CORO1B: variants seen among roughly 807,000 people sequenced by gnomAD.
The protein encoded by CORO1B is coronin 1B, also known as coronin-1B.
Under a neutral mutation model 51.1 loss-of-function variants are expected in CORO1B, and 30 were observed. The ratio of observed to expected loss-of-function variants is 0.59; its 90% CI spans 0.44 to 0.80. CORO1B has a LOEUF of 0.80. Ranked by LOEUF, CORO1B falls within the 30% of genes least tolerant of loss-of-function variation. The pLI is 0.00. For synonymous variants in CORO1B, 310 were observed against 289.7 expected (o/e 1.07, Z -0.71); for missense variants, 648 against 700.4 (o/e 0.93, Z 0.84).
In CORO1B at chr11:67,438,171, C is replaced by T. The variant is rs776532523; in HGVS notation, c.*205G>A. ...ATGGTCCCTCAGAGGTCGAGGAGCT[C>T]GCCTGGGCGTAGACATCCTCCACAG... On this transcript the variant is annotated 3_prime_UTR_variant, in exon 11 of 11. Transcript: ENST00000341356. The T allele has an allele frequency of 3.1e-4, 173 of 557,340 alleles. No homozygotes were observed. Among genetic ancestry groups the T allele is most frequent in the Non-Finnish European group, 4.5e-4 (153 of 336,806 alleles). 34.5% of individuals were successfully genotyped at this position (557,340 alleles called of 1,614,324 possible).
Position 67,438,731 on chromosome 11 carries a change from G to A in CORO1B, c.1284C>T (p.Ala428=), listed in dbSNP as rs1285137517. The A allele has an allele frequency of 6.5e-7, 1 of 1,549,962 alleles. No individual in the cohort carries two copies. Among genetic ancestry groups the A allele is most frequent in the Non-Finnish European group, 8.7e-7 (1 of 1,151,652 alleles). The stretch of plus-strand genomic sequence containing the variant: ...CAGCAGCAGTGGTGGTGGAGGCGGG[G>A]GCCCCTAGGTGGGAGGAGCCCGGGG... ...AMAPGSSHLG[A]PASTTTAADA... Residue 428 remains alanine (A), a synonymous_variant, in exon 10 of 11, where the codon GCC becomes GCT. Coordinates refer to ENST00000341356, the MANE Select transcript of CORO1B (RefSeq NM_020441.3).
At chr11:67,439,744 C>T (rs1479333248) in intron 9 of CORO1B, 42 bp downstream of exon 9, 2 of 1,555,740 alleles carry the variant, frequency 1.3e-6, no homozygotes, top group Non-Finnish European at 1.7e-6. Context: ...GGCCCGCTTG[C>T]TGGAGAAAGG....
intron 6 of CORO1B, 187 bp downstream of exon 6, chr11:67,440,938 G>T: frequency 1.3e-6 from 1 of 758,696 alleles, no homozygotes. Context: ...GAGGCCATGG[G>T]GGAGTGGTGG....
Position 67,441,464 on chromosome 11 carries a change from A to G in CORO1B, c.505T>C (p.Tyr169His), listed in dbSNP as rs1170371527. The G allele has an allele frequency of 6.2e-7, 1 of 1,613,816 alleles. No homozygotes were observed. The highest frequency in any genetic ancestry group is 2.2e-5 in the East Asian group (1 of 44,882). Residue 169 changes from tyrosine to histidine, a missense_variant, in exon 5 of 11, where the codon TAC becomes CAC. Tyr to His is a moderately conservative substitution (Grantham distance 83). Transcript: ENST00000341356. Reference sequence around the variant, plus strand: ...TCAGGGTGCAGGCTGTCCAGGCGGTACAGCTCCTCCGCTGTGCCCACATTC... The same window carrying G: ...TCAGGGTGCAGGCTGTCCAGGCGGTGCAGCTCCTCCGCTGTGCCCACATTC... ...IWNVGTAEELYRLDSLHPDLI... is the reference protein window; with the variant it reads ...IWNVGTAEELHRLDSLHPDLI...
At chr11:67,439,990 C>T in intron 8 of CORO1B, 128 bp downstream of exon 8, 1 of 1,478,928 alleles carries the variant, frequency 6.8e-7, no homozygotes, top group Non-Finnish European at 9.1e-7. Context: ...CACGGGCTGC[C>T]TCGTGACAGT....
intron 8 of CORO1B, 53 bp from the exon 9 acceptor site, chr11:67,439,896 A>G: frequency 7.7e-7 from 1 of 1,298,828 alleles, no homozygotes; most frequent in Non-Finnish European, 1.0e-6. Context: ...CCCCCCACCC[A>G]CCGCCAGCTC....
Position 67,442,539 on chromosome 11 carries a change from G to A in CORO1B, c.90C>T (p.Arg30=), listed in dbSNP as rs757253597. The A allele has an allele frequency of 1.2e-6, 2 of 1,613,682 alleles. No homozygotes were observed. The highest frequency in any genetic ancestry group is 1.7e-5 in the Admixed American group (1 of 60,008). ...TGCTGTCCCAGGTAACACGGGACAC[G>A]CGAATGTCCTCATAGCACTGGTCGT... The part of the protein sequence containing the change: ...VKNDQCYEDI[R]VSRVTWDSTF... Residue 30 remains arginine, a synonymous_variant, in exon 2 of 11, where the codon CGC becomes CGT. Transcript: ENST00000341356.
Position 67,437,948 on chromosome 11 carries a change from A to C in CORO1B, c.*428T>G. 1 of 367,030 alleles carries C rather than the reference A, an allele frequency of 2.7e-6. No individual in the cohort carries two copies. The highest frequency in any genetic ancestry group is 4.9e-6 in the Non-Finnish European group (1 of 205,726). 22.7% of individuals were successfully genotyped at this position (367,030 alleles called of 1,614,324 possible). A position where few individuals can be genotyped will look rare whatever the true frequency, so the allele number is the denominator to read the frequency against. On this transcript the variant is annotated 3_prime_UTR_variant, in exon 11 of 11. Transcript: ENST00000341356. ...GGGAGCAATGCCTGTGGGGCTGCTC[A>C]CTGCCCCCAGACCTTCTGCACATGT... is the stretch of plus-strand genomic sequence containing the variant.
chr11:67,435,584 G>T lies in CORO1B; in HGVS notation c.*2792C>A. The T allele has an allele frequency of 1.6e-6, 2 of 1,218,492 alleles. No individual in the cohort carries two copies. The highest frequency in any genetic ancestry group is 3.0e-5 in the African/African-American group (2 of 65,840). The allele number at this position is 1,218,492 out of a possible 1,614,324, so 75.5% of individuals were successfully genotyped here. A position where few individuals can be genotyped will look rare whatever the true frequency, so the allele number is the denominator to read the frequency against. ...GGGGGGGGCCGTTCCCGTGGTGAGC[G>T]GGGTACACATGGACTTGGGAACTGG... On this transcript the variant is annotated 3_prime_UTR_variant, in exon 11 of 11. Transcript: ENST00000341356.
chr11:67,438,613 C>T (rs1864335324), intron 10 of CORO1B, 58 bp downstream of exon 10: 2 of 1,520,650 alleles, frequency 1.3e-6, no homozygotes, highest in Non-Finnish European at 1.8e-6. Context: ...GAAGCCCACA[C>T]AGCAGGCCAG....
chr11:67,441,690 G>A (rs1314986610), intron 4 of CORO1B, 43 bp downstream of exon 4: 4 of 1,360,592 alleles, frequency 2.9e-6, no homozygotes, highest in African/African-American at 3.0e-5. Context: ...TGTATGGAGG[G>A]GTCCGTGGGG....
intron 9 of CORO1B, 69 bp downstream of exon 9, chr11:67,439,717 C>T (rs1426772940): frequency 1.6e-5 from 24 of 1,467,060 alleles, no homozygotes; most frequent in Non-Finnish European, 2.1e-5. Flanking sequence ...CAGGCCTCGC[C>T]CTGGTCACAA....
intron 7 of CORO1B, 30 bp downstream of exon 7, chr11:67,440,305 C>T (rs1366642237): frequency 3.7e-6 from 6 of 1,612,712 alleles, no homozygotes; most frequent in Non-Finnish European, 5.1e-6. Context: ...CGCCTCTTCC[C>T]TGCCCCTCGC....
In CORO1B at chr11:67,440,380, C is replaced by A; in HGVS notation, c.816G>T (p.Leu272=). Residue 272 remains leucine (L), a synonymous_variant, in exon 7 of 11, where the codon CTG becomes CTT. Transcript: ENST00000341356. ...QELDSSNGAL[L]PFYDPDTSVV... is the part of the protein sequence containing the mutation. The stretch of plus-strand genomic sequence containing the variant: ...CACTGGTGTCGGGGTCGTAGAAGGG[C>A]AGCAGGGCCCCGTTGCTCGAGTCCA... The A allele has an allele frequency of 6.2e-7, 1 of 1,613,884 alleles. No individual in the cohort carries two copies. The highest frequency in any genetic ancestry group is 8.5e-7 in the Non-Finnish European group (1 of 1,179,978).
chr11:67,439,694 C>A (rs1448048301), intron 9 of CORO1B, 92 bp downstream of exon 9: 4 of 1,283,592 alleles, frequency 3.1e-6, no homozygotes, highest in South Asian at 1.3e-5. Context: ...CATACTAGGT[C>A]ATGTTCCATT....
At position 67,442,212 on chromosome 11, in the gene CORO1B, C is replaced by T. The variant is rs1864411158; in HGVS notation, c.202-124G>A. 4.0e-6 allele frequency: 6 copies of T among 1,490,926 alleles called. No individual in the cohort carries two copies. The East Asian group carries it at 1.1e-4, about 29-fold the overall frequency. The allele number at this position is 1,490,926 out of a possible 1,614,324, so 92.4% of individuals were successfully genotyped here. A position where few individuals can be genotyped will look rare whatever the true frequency, so the allele number is the denominator to read the frequency against. ...GTGGCCCAGATGTGACTGTGCCCCACTTGCCAGGTGAGCAGGAAATGTTTG... is the reference window on the plus strand; with the variant it reads ...GTGGCCCAGATGTGACTGTGCCCCATTTGCCAGGTGAGCAGGAAATGTTTG... On this transcript the variant is annotated intron_variant, in intron 2 of 10. Transcript: ENST00000341356.
chr11:67,440,563 T>C (rs1864375640), intron 6 of CORO1B, 124 bp from the exon 7 acceptor site: 1 of 867,330 alleles, frequency 1.2e-6, no homozygotes, highest in African/African-American at 1.7e-5. Context: ...GTGGGCCCTC[T>C]GCCATCTCTA....
rs371393269 is a variant in CORO1B at position 67,441,951 on chromosome 11, AG to A, written c.324+14del. 8.0e-4 allele frequency: 1,283 copies of A among 1,613,064 alleles called. 14 individuals carry two copies. In the African/African-American group the frequency reaches 0.016, roughly 20 times the overall value. ...CCACACCCACGACCCTGGCCCAGCC[AG>A]TCCTGTGCCTCACCATGACCGTGCA... On this transcript the variant is annotated intron_variant, in intron 3 of 10. Transcript: ENST00000341356.
Position 67,436,549 on chromosome 11 carries a change from C to T in CORO1B, c.*1827G>A. 1 of 532,650 alleles carries T rather than the reference C, an allele frequency of 1.9e-6. No individual in the cohort carries two copies. Among genetic ancestry groups the T allele is most frequent in the Non-Finnish European group, 3.1e-6 (1 of 327,460 alleles). 33.0% of individuals were successfully genotyped at this position (532,650 alleles called of 1,614,324 possible). ...TCAGCCCCCATCCCTCCAGCCTCCT[C>T]CCTACCACTCACCTCCCCCAACAGC... On this transcript the variant is annotated 3_prime_UTR_variant, in exon 11 of 11. Coordinates refer to ENST00000341356, the MANE Select transcript of CORO1B (RefSeq NM_020441.3).
Sources: allele counts gnomAD v4.1 joint callset, GRCh38; gene constraint gnomAD v4.1.1; transcripts MANE v1.5; gene names NCBI Gene and HGNC (gene_info 2026-07-23, HGNC 2026-07-21).